The following COMMD10 variants were observed in gnomAD, a reference collection of about 807,000 sequenced individuals.
COMMD10 encodes the protein COMM domain-containing protein 10.
Under a neutral mutation model 28.9 loss-of-function variants are expected in COMMD10, and 33 were observed. The ratio of observed to expected loss-of-function variants is 1.14; its 90% CI spans 0.87 to 1.53. The LOEUF (loss-of-function observed/expected upper bound fraction) is 1.53, where lower values mean the gene tolerates loss of function less well. COMMD10 is among the 40% of genes most tolerant of loss of function. COMMD10 has a pLI of 0.00. For missense variants in COMMD10, 310 were observed against 233.4 expected (o/e 1.33, Z -2.14); for synonymous variants, 110 against 81.7 (o/e 1.35, Z -1.87).
At chr5:116,227,070 G>A (rs1289030925) in intron 5 of COMMD10, among the ~76,000 whole-genome samples, 1 of 151,984 alleles carries the variant, frequency 6.6e-6, no homozygotes, top group African/African-American at 2.4e-5. Context: ...TGGTGTTACA[G>A]AGTGGTAAGC....
chr5:116,184,457 T>C (rs1021136986), intron 5 of COMMD10, among the ~76,000 whole-genome samples: 2 of 152,078 alleles, frequency 1.3e-5, no homozygotes, highest in Non-Finnish European at 2.9e-5. Context: ...TTGTTACTTC[T>C]TTATAGACAT....
intron 5 of COMMD10, among the ~76,000 whole-genome samples, chr5:116,213,377 C>T (rs1749016916): frequency 6.6e-6 from 1 of 151,994 alleles, no homozygotes; most frequent in Admixed American, 6.6e-5. Flanking sequence ...TGGGTCTCAG[C>T]AAAATGATAA....
intron 5 of COMMD10, among the ~76,000 whole-genome samples, chr5:116,152,658 A>G (rs1320495801): frequency 1.3e-5 from 2 of 151,970 alleles, no homozygotes; most frequent in Non-Finnish European, 2.9e-5. Context: ...TTTTAAAAAT[A>G]TGCTGCTAGT....
intron 4 of COMMD10, among the ~76,000 whole-genome samples, chr5:116,125,556 T>C (rs1359772241): frequency 6.6e-6 from 1 of 152,126 alleles, no homozygotes; most frequent in Admixed American, 6.6e-5. Context: ...AGGAGTATCT[T>C]TGTGGCGTTC....
intron 5 of COMMD10, among the ~76,000 whole-genome samples, chr5:116,150,548 A>G (rs543679992): frequency 1.4e-5 from 2 of 142,592 alleles, no homozygotes; most frequent in South Asian, 2.2e-4. Flanking sequence ...AGTGGTTTGT[A>G]GTTCTCCTTG....
At chr5:116,184,240 A>T (rs1327260389) in intron 5 of COMMD10, among the ~76,000 whole-genome samples, 1 of 150,662 alleles carries the variant, frequency 6.6e-6, no homozygotes, top group African/African-American at 2.4e-5. Context: ...TTAATCCAGG[A>T]TGTCAATCCT....
chr5:116,165,844 A>G (rs1171951124), intron 5 of COMMD10, among the ~76,000 whole-genome samples: 1 of 152,166 alleles, frequency 6.6e-6, no homozygotes, highest in African/African-American at 2.4e-5. Flanking sequence ...CCATCTCCAA[A>G]TGCAACTACA....
chr5:116,215,444 T>G (rs996241635), intron 5 of COMMD10, among the ~76,000 whole-genome samples: 1 of 151,636 alleles, frequency 6.6e-6, no homozygotes, highest in African/African-American at 2.4e-5. Flanking sequence ...ATTTTACCAC[T>G]TTGGGAGGCC....
chr5:116,180,514 G>A (rs1376090372), intron 5 of COMMD10, among the ~76,000 whole-genome samples: 1 of 151,828 alleles, frequency 6.6e-6, no homozygotes, highest in African/African-American at 2.4e-5. Context: ...AATTTTAAGT[G>A]CCTCATATTT....
chr5:116,291,510 C>T lies in COMMD10; in HGVS notation c.511-7C>T, dbSNP rs776151426. The T allele has an allele frequency of 6.3e-7, 1 of 1,592,814 alleles. No individual in the cohort carries two copies. On this transcript the variant is annotated splice_polypyrimidine_tract_variant and splice_region_variant and intron_variant, in intron 5 of 6. Transcript: ENST00000274458. ...TACATTCTTTTTGTTGTTTTTCTTCCTTACAGAGCCTGGAGAAAGTTCTTG... is the reference window on the plus strand; with the variant it reads ...TACATTCTTTTTGTTGTTTTTCTTCTTTACAGAGCCTGGAGAAAGTTCTTG...
chr5:116,155,176 A>G (rs1752666509), intron 5 of COMMD10, among the ~76,000 whole-genome samples: 2 of 152,058 alleles, frequency 1.3e-5, no homozygotes, highest in South Asian at 2.1e-4. Context: ...ACACTTTTTC[A>G]GGGGAATTGT....
At chr5:116,115,516 G>C (rs1359902872) in intron 4 of COMMD10, among the ~76,000 whole-genome samples, 2 of 152,090 alleles carry the variant, frequency 1.3e-5, no homozygotes, top group African/African-American at 4.8e-5. Context: ...CCACTTATTA[G>C]AATTTGTATT....
chr5:116,091,785 T>G (rs771557098), intron 3 of COMMD10, among the ~76,000 whole-genome samples: 2 of 152,206 alleles, frequency 1.3e-5, no homozygotes, highest in African/African-American at 2.4e-5. Flanking sequence ...TTGTGTATCT[T>G]ATATAAGCCT....
At chr5:116,212,284 C>G (rs1189497756) in intron 5 of COMMD10, among the ~76,000 whole-genome samples, 4 of 152,028 alleles carry the variant, frequency 2.6e-5, no homozygotes, top group Non-Finnish European at 5.9e-5. Flanking sequence ...GTATTTTTCC[C>G]TCCTGAAGTT....
intron 5 of COMMD10, among the ~76,000 whole-genome samples, chr5:116,168,158 C>CAAAAA (rs56193014): frequency 9.8e-6 from 1 of 102,424 alleles, no homozygotes; most frequent in African/African-American, 4.2e-5. Flanking sequence ...AAATGGAAAG[C>CAAAAA]AAAAAAAAAA....
At chr5:116,228,446 C>G (rs1749449252) in intron 5 of COMMD10, among the ~76,000 whole-genome samples, 1 of 151,766 alleles carries the variant, frequency 6.6e-6, no homozygotes. Flanking sequence ...AAAGAAAGTA[C>G]CACATTTATC....
intron 5 of COMMD10, among the ~76,000 whole-genome samples, chr5:116,169,546 T>C (rs983259037): frequency 7.9e-5 from 12 of 152,034 alleles, no homozygotes; most frequent in Admixed American, 7.2e-4. Context: ...AAAAAGAAAA[T>C]GTCAGGCCAA....
intron 5 of COMMD10, among the ~76,000 whole-genome samples, chr5:116,280,880 C>T (rs1045204820): frequency 2.0e-5 from 3 of 151,832 alleles, no homozygotes; most frequent in Non-Finnish European, 4.4e-5. Flanking sequence ...TTTATAAACT[C>T]ATTCAGTAAG....
chr5:116,171,268 T>C lies in COMMD10; in HGVS notation c.510+37090T>C, dbSNP rs183802669. Among the ~76,000 whole-genome samples, 1,185 of 152,102 alleles carry C rather than the reference T, an allele frequency of 7.8e-3. 17 individuals carry two copies. The highest frequency in any genetic ancestry group is 0.012 in the South Asian group (58 of 4,820). On this transcript the variant is annotated intron_variant, in intron 5 of 6. Transcript: ENST00000274458. ...GTCATTAGAGAAATGCAAATCAACA[T>C]CACAATGAGATACCATCTCACGCCA...
Sources: allele counts gnomAD v4.1 joint callset (sites outside exome capture counted in the v4.1 genomes callset), GRCh38; gene constraint gnomAD v4.1.1; transcripts MANE v1.5; gene names NCBI Gene and HGNC (gene_info 2026-07-23, HGNC 2026-07-21).